METTL24: variants seen among roughly 807,000 people sequenced by gnomAD.
The protein encoded by METTL24 is methyltransferase like 24.
A neutral mutation model predicts 32.7 loss-of-function variants in METTL24; 29 were observed. The ratio of observed to expected loss-of-function variants is 0.89; its 90% CI spans 0.66 to 1.21. The LOEUF (loss-of-function observed/expected upper bound fraction) is 1.21. Among genes scored for constraint, METTL24 ranks in the 50% most tolerant of loss-of-function variants. The pLI, the probability that METTL24 is intolerant of heterozygous loss-of-function variation, is 0.00. For synonymous variants in METTL24, 163 were observed against 179.5 expected (o/e 0.91, Z 0.73); for missense variants, 439 against 468.1 (o/e 0.94, Z 0.57).
intron 4 of METTL24, among the ~76,000 whole-genome samples, chr6:110,284,564 A>T (rs559240945): frequency 3.3e-5 from 5 of 152,222 alleles, no homozygotes; most frequent in Admixed American, 3.3e-4. Context: ...ATAAGCTGAT[A>T]ATTACTAGAT....
At chr6:110,281,337 C>A (rs1274060080) in intron 4 of METTL24, among the ~76,000 whole-genome samples, 1 of 152,058 alleles carries the variant, frequency 6.6e-6, no homozygotes, top group African/African-American at 2.4e-5. Context: ...TGAGACCTTG[C>A]ACATCAAATG....
intron 4 of METTL24, among the ~76,000 whole-genome samples, chr6:110,265,161 GAAAGAAAGAAA>G (rs1770830388): frequency 6.8e-6 from 1 of 146,772 alleles, no homozygotes; most frequent in Non-Finnish European, 1.5e-5. Context: ...AAGAAAGAAA[GAAAGAAAGAAA>G]GAAAGAAAGA....
chr6:110,260,230 G>A (rs562733182), intron 4 of METTL24, among the ~76,000 whole-genome samples: 54 of 152,256 alleles, frequency 3.5e-4, no homozygotes, highest in African/African-American at 9.9e-4. Context: ...AAGATTAGAC[G>A]AATGGCTAAC....
intron 1 of METTL24, among the ~76,000 whole-genome samples, chr6:110,350,887 T>G (rs896628968): frequency 3.3e-5 from 5 of 152,094 alleles, no homozygotes; most frequent in Non-Finnish European, 7.4e-5. Context: ...GGCAGGCAGA[T>G]CACTAGGTCA....
chr6:110,314,294 C>T (rs1230629299), intron 3 of METTL24, among the ~76,000 whole-genome samples: 1 of 152,172 alleles, frequency 6.6e-6, no homozygotes, highest in African/African-American at 2.4e-5. Context: ...TACAAAGAGT[C>T]TATGGAACAG....
At chr6:110,310,770 G>A (rs1306415281) in intron 3 of METTL24, among the ~76,000 whole-genome samples, 2 of 152,188 alleles carry the variant, frequency 1.3e-5, no homozygotes, top group Non-Finnish European at 2.9e-5. Context: ...AGAAGATGGA[G>A]GTGATATCTG....
intron 4 of METTL24, among the ~76,000 whole-genome samples, chr6:110,297,929 T>C (rs1771449211): frequency 6.7e-6 from 1 of 148,826 alleles, no homozygotes; most frequent in Admixed American, 6.7e-5. Flanking sequence ...GTTTAAAGGA[T>C]GAAGAGGAGG....
intron 4 of METTL24, among the ~76,000 whole-genome samples, chr6:110,295,185 G>C (rs1236768682): frequency 1.3e-5 from 2 of 151,644 alleles, no homozygotes; most frequent in African/African-American, 4.8e-5. Context: ...ACCATGCCCA[G>C]CTAATTTTTT....
At chr6:110,259,526 C>T (rs1019006821) in intron 4 of METTL24, among the ~76,000 whole-genome samples, 23 of 152,372 alleles carry the variant, frequency 1.5e-4, no homozygotes, top group African/African-American at 5.1e-4. Context: ...CCTCTGTGGA[C>T]TCCACCTCTG....
At chr6:110,263,702 G>A (rs1582387773) in intron 4 of METTL24, among the ~76,000 whole-genome samples, 1 of 152,120 alleles carries the variant, frequency 6.6e-6, no homozygotes, top group African/African-American at 2.4e-5. Flanking sequence ...GAGGCGTCAC[G>A]CTACCTGACT....
At chr6:110,319,804 A>G (rs1771898690) in intron 2 of METTL24, among the ~76,000 whole-genome samples, 1 of 152,148 alleles carries the variant, frequency 6.6e-6, no homozygotes, top group South Asian at 2.1e-4. Flanking sequence ...TCATTTAAAA[A>G]TGCATGACCC....
At chr6:110,311,678 TG>T (rs1771726616) in intron 3 of METTL24, among the ~76,000 whole-genome samples, 1 of 152,060 alleles carries the variant, frequency 6.6e-6, no homozygotes, top group South Asian at 2.1e-4. Flanking sequence ...TTCACCATGT[TG>T]GCCAGGCTTG....
chr6:110,286,060 G>A (rs796976411), intron 4 of METTL24, among the ~76,000 whole-genome samples: 21 of 152,136 alleles, frequency 1.4e-4, no homozygotes, highest in Non-Finnish European at 2.9e-4. Flanking sequence ...TCACTAACAC[G>A]TGCTCGTTTG....
intron 3 of METTL24, among the ~76,000 whole-genome samples, chr6:110,314,002 G>A (rs930836440): frequency 2.0e-5 from 3 of 152,048 alleles, no homozygotes; most frequent in Admixed American, 6.5e-5. Flanking sequence ...CACAATGACC[G>A]GTAATTCTTG....
At chr6:110,265,595 T>C (rs192677115) in intron 4 of METTL24, among the ~76,000 whole-genome samples, 38 of 152,300 alleles carry the variant, frequency 2.5e-4, no homozygotes, top group Admixed American at 2.3e-3. Context: ...CTAGAAAGTT[T>C]CCTTAAAGGA....
intron 4 of METTL24, among the ~76,000 whole-genome samples, chr6:110,295,013 C>CTTTTTTTTTTTTTTTTTT (rs1195740747): frequency 1.4e-4 from 11 of 78,130 alleles, no homozygotes; most frequent in South Asian, 4.5e-4. Context: ...TTCTTTCTTT[C>CTTTTTTTTTTTTTTTTTT]TTTTTTTTTT....
chr6:110,315,374 G>T lies in METTL24; in HGVS notation c.525C>A (p.Ile175=), dbSNP rs1247743558. ...LDDRFNLAHQ[I]RNKQCRLYSL... Reference sequence around the variant, plus strand: ...AGTAGAGGCGGCACTGCTTGTTGCGGATTTGATGAGCTAAATTGAACCTGT... The same window carrying T: ...AGTAGAGGCGGCACTGCTTGTTGCGTATTTGATGAGCTAAATTGAACCTGT... Residue 175 remains isoleucine, a synonymous_variant, in exon 3 of 5, where the codon ATC becomes ATA. Transcript: ENST00000338882. 1.9e-6 allele frequency: 3 copies of T among 1,614,036 alleles called. No individual in the cohort carries two copies. The highest frequency in any genetic ancestry group is 2.5e-6 in the Non-Finnish European group (3 of 1,180,020).
Position 110,244,459 on chromosome 6 carries a change from A to C in METTL24, c.*1487T>G, listed in dbSNP as rs1450230020. On this transcript the variant is annotated 3_prime_UTR_variant, in exon 5 of 5. Transcript: ENST00000338882. ...TAAAATCTAAAAAGTGTAATACCCA[A>C]AGTATTAGTCCATTCTCACACTGCT... 6.6e-6 allele frequency among the ~76,000 whole-genome samples: 1 copy of C among 152,148 alleles called. No individual in the cohort carries two copies. Among genetic ancestry groups the C allele is most frequent in the Non-Finnish European group, 1.5e-5 (1 of 68,026 alleles).
intron 4 of METTL24, among the ~76,000 whole-genome samples, chr6:110,296,462 C>G (rs1431324880): frequency 6.6e-6 from 1 of 152,328 alleles, no homozygotes; most frequent in East Asian, 1.9e-4. Flanking sequence ...GATGCAGCTG[C>G]TCTAGCCTGA....
Sources: allele counts gnomAD v4.1 joint callset (sites outside exome capture counted in the v4.1 genomes callset), GRCh38; gene constraint gnomAD v4.1.1; transcripts MANE v1.5; gene names NCBI Gene and HGNC (gene_info 2026-07-23, HGNC 2026-07-21).